Variants in GEMIN5 observed in about 807,000 individuals in gnomAD.
The protein encoded by GEMIN5 is gem nuclear organelle associated protein 5, also known as gem-associated protein 5.
GEMIN5 carries 124 observed loss-of-function variants against 176.9 expected under a neutral mutation model. The observed-to-expected ratio is 0.70, with a 90% CI of 0.61 to 0.81. GEMIN5 has a LOEUF of 0.81. Among genes scored for constraint, GEMIN5 ranks in the 40% least tolerant of loss-of-function variants. The pLI is 0.00. For missense variants in GEMIN5, 1,843 were observed against 1,814.6 expected, an observed-to-expected ratio of 1.02 and a Z score of -0.28; for synonymous variants, 673 against 665.2, an observed-to-expected ratio of 1.01 and a Z score of -0.18.
At position 154,899,210 on chromosome 5, in the gene GEMIN5, A is replaced by G; in HGVS notation, c.3115T>C (p.Tyr1039His). ...GCTTACCATTTGGCAGCTACAGCAT[A>G]GTGGCCATCTCTTTCTAGGACGGTT... ...WGTVLERDGH[Y>H]AVAAKCYLGA... The change falls in exon 22 of 28, where the codon TAT (tyrosine) becomes CAT (histidine). Residue 1039 changes from tyrosine (Y) to histidine (H), a missense_variant. Physicochemically the swap from Tyr to His is moderately conservative, Grantham distance 83. Transcript: ENST00000285873. 6.2e-7 allele frequency: 1 copy of G among 1,612,204 alleles called. No homozygotes were observed. Among genetic ancestry groups the G allele is most frequent in the Non-Finnish European group, 8.5e-7 (1 of 1,179,112 alleles).
chr5:154,901,837 T>C (rs1362223585), intron 20 of GEMIN5, among the ~76,000 whole-genome samples: 1 of 152,102 alleles, frequency 6.6e-6, no homozygotes, highest in Non-Finnish European at 1.5e-5. Context: ...TCTCACTCTG[T>C]GGCTCAGGCT....
At position 154,928,612 on chromosome 5, in the gene GEMIN5, T is replaced by C. The variant is rs901568227; in HGVS notation, c.829A>G (p.Ile277Val). ...AGGCGCTCTTTAACAGTTGGGTCTA[T>C]ACCCCCTCCTCTTCTCTTCAGAAAG... Reference protein sequence around the residue: ...LPFLKRRGGGIDPTVKERLWL... With the variant: ...LPFLKRRGGGVDPTVKERLWL... The change falls in exon 6 of 28, where the codon ATA (isoleucine) becomes GTA (valine). Residue 277 changes from isoleucine (I) to valine (V), a missense_variant. By Grantham distance (29) the Ile-to-Val change is conservative. Coordinates refer to ENST00000285873, the MANE Select transcript of GEMIN5 (RefSeq NM_015465.5). 1 of 1,613,754 alleles carries C rather than the reference T, an allele frequency of 6.2e-7. No individual in the cohort carries two copies.
chr5:154,918,246 C>A (rs1463469651), intron 11 of GEMIN5, among the ~76,000 whole-genome samples: 1 of 152,140 alleles, frequency 6.6e-6, no homozygotes, highest in Non-Finnish European at 1.5e-5. Context: ...TAAATGTTTA[C>A]AGTGCTTAAC....
Position 154,892,552 on chromosome 5 carries a change from G to A in GEMIN5, c.3598-3C>T, listed in dbSNP as rs201896089. ...TCATGGCAAATGTGAAGCAGGAGCT[G>A]GAGAGAGAAGCCAGAGTCTGAGTTA... On this transcript the variant is annotated splice_region_variant and splice_polypyrimidine_tract_variant and intron_variant, in intron 24 of 27. Coordinates refer to ENST00000285873, the MANE Select transcript of GEMIN5 (RefSeq NM_015465.5). 4.1e-4 allele frequency: 665 copies of A among 1,612,922 alleles called. 3 individuals carry two copies. The highest frequency in any genetic ancestry group is 1.4e-3 in the South Asian group (123 of 90,952).
At chr5:154,927,318 G>T in intron 7 of GEMIN5, 67 bp downstream of exon 7, 1 of 999,610 alleles carries the variant, frequency 1.0e-6, no homozygotes, top group South Asian at 1.5e-5. Flanking sequence ...CTTTGAAAAA[G>T]CCCTCTCATC....
At position 154,920,036 on chromosome 5, in the gene GEMIN5, A is replaced by C; in HGVS notation, c.1530T>G (p.His510Gln). 1 of 1,610,072 alleles carries C rather than the reference A, an allele frequency of 6.2e-7. No individual in the cohort carries two copies. Among genetic ancestry groups the C allele is most frequent in the Non-Finnish European group, 8.5e-7 (1 of 1,176,296 alleles). ...SCGGEGIVLQ[H>Q]NPWKLSGEAF... ...CTTCTCCACTAAGCTTCCAGGGATT[A>C]TGCTGTAAGACAATCCCTTCTCCTC... Residue 510 changes from histidine to glutamine, a missense_variant, in exon 11 of 28, where the codon CAT becomes CAG. Physicochemically the swap from His to Gln is conservative, Grantham distance 24. Coordinates refer to ENST00000285873, the MANE Select transcript of GEMIN5 (RefSeq NM_015465.5).
chr5:154,905,888 G>A (rs1183260896), intron 16 of GEMIN5, among the ~76,000 whole-genome samples: 2 of 151,948 alleles, frequency 1.3e-5, no homozygotes, highest in African/African-American at 4.8e-5. Flanking sequence ...ACAGGGTTTC[G>A]CCATGTTGGC....
intron 4 of GEMIN5, 35 bp downstream of exon 4, chr5:154,932,064 C>A: frequency 6.6e-7 from 1 of 1,506,586 alleles, no homozygotes. Flanking sequence ...CTTCAGGTCT[C>A]AAGTGGACTT....
chr5:154,906,095 A>T (rs1466558386), intron 16 of GEMIN5, among the ~76,000 whole-genome samples: 2 of 151,954 alleles, frequency 1.3e-5, no homozygotes, highest in Non-Finnish European at 2.9e-5. Context: ...TCCTGGGCTC[A>T]GGTGATCCTC....
Position 154,920,098 on chromosome 5 carries a change from C to T in GEMIN5, c.1468G>A (p.Glu490Lys), listed in dbSNP as rs745823379. Residue 490 changes from glutamate (E) to lysine (K), a missense_variant, in exon 11 of 28, where the codon GAA becomes AAA. Coordinates refer to ENST00000285873, the MANE Select transcript of GEMIN5 (RefSeq NM_015465.5). ...AAAGCAAGGGAAGGTCTGTCTCCTT[C>T]TCCTCCTGTATGAAATAAGAAAAGA... Reference protein sequence around the residue: ...PPVPPMSLGGEGDRPSLALYS... With the variant: ...PPVPPMSLGGKGDRPSLALYS... 3.1e-6 allele frequency: 5 copies of T among 1,608,526 alleles called. No homozygotes were observed. The East Asian group carries it at 1.1e-4, about 36-fold the overall frequency.
At chr5:154,920,155 C>T (rs1442725335) in intron 10 of GEMIN5, 52 bp from the exon 11 acceptor site, 3 of 1,458,584 alleles carry the variant, frequency 2.1e-6, no homozygotes, top group South Asian at 1.2e-5. Context: ...ATCAGCTTAA[C>T]TATTTGTTGC....
At chr5:154,931,377 C>T (rs951551636) in intron 5 of GEMIN5, 81 bp downstream of exon 5, 10 of 1,398,304 alleles carry the variant, frequency 7.2e-6, no homozygotes, top group Non-Finnish European at 9.7e-6. Context: ...GATGACACAC[C>T]CTCAGGACAA....
Position 154,911,751 on chromosome 5 carries a change from G to A in GEMIN5, c.2143C>T (p.Gln715Ter). The A allele has an allele frequency of 6.2e-7, 1 of 1,613,940 alleles. No individual in the cohort carries two copies. The highest frequency in any genetic ancestry group is 8.5e-7 in the Non-Finnish European group (1 of 1,179,798). The change falls in exon 15 of 28, where the codon CAA becomes TAA. Residue 715 changes from glutamine (Q) to a stop codon, truncating the protein, a stop_gained. Transcript: ENST00000285873. LOFTEE classifies it high-confidence loss of function. ...FCVHKWLTSM[Q>*]DHSRPPQGKK... ...CCTTGAGGAGGCCGGGAATGATCTT[G>A]CATGGAAGTGAGCCACTTGTGCACA... is the stretch of plus-strand genomic sequence containing the variant.
chr5:154,934,216 C>G (rs958807696), intron 3 of GEMIN5, among the ~76,000 whole-genome samples: 1 of 151,926 alleles, frequency 6.6e-6, no homozygotes, highest in East Asian at 1.9e-4. Context: ...GACAGAGTTT[C>G]GCTCTTGTTG....
chr5:154,931,631 TA>T, intron 4 of GEMIN5, 54 bp from the exon 5 acceptor site: 11 of 1,462,590 alleles, frequency 7.5e-6, no homozygotes, highest in South Asian at 1.2e-5. Flanking sequence ...CGCACTAATA[TA>T]AAAAAATTAG....
At chr5:154,892,604 G>T (rs1450830126) in intron 24 of GEMIN5, 55 bp from the exon 25 acceptor site, 2 of 1,545,886 alleles carry the variant, frequency 1.3e-6, no homozygotes, top group East Asian at 2.3e-5. Flanking sequence ...AGGCGCAGAG[G>T]ATGCCACCAA....
intron 5 of GEMIN5, 97 bp from the exon 6 acceptor site, chr5:154,928,756 G>T (rs972834155): frequency 7.8e-6 from 8 of 1,026,526 alleles, no homozygotes; most frequent in Non-Finnish European, 1.2e-5. Flanking sequence ...CGCTGTAAAA[G>T]CTTGTTAGTT....
chr5:154,924,335 A>C, intron 9 of GEMIN5, 134 bp downstream of exon 9: 1 of 658,914 alleles, frequency 1.5e-6, no homozygotes, highest in Non-Finnish European at 2.8e-6. Context: ...AGAGTCTACC[A>C]AACAACTGAT....
chr5:154,903,291 A>G (rs1001831821), intron 18 of GEMIN5, 116 bp from the exon 19 acceptor site: 3 of 689,988 alleles, frequency 4.3e-6, no homozygotes, highest in Non-Finnish European at 7.5e-6. Context: ...TGAGAGAATC[A>G]GAGCTCTAAC....
Sources: allele counts gnomAD v4.1 joint callset (sites outside exome capture counted in the v4.1 genomes callset), GRCh38; gene constraint gnomAD v4.1.1; transcripts MANE v1.5; gene names NCBI Gene and HGNC (gene_info 2026-07-23, HGNC 2026-07-21).